The following USP32 variants were observed in gnomAD, a reference collection of about 807,000 sequenced individuals.
USP32 encodes the protein ubiquitin specific peptidase 32.
A neutral mutation model predicts 204.8 loss-of-function variants in USP32; 59 were observed. That is an observed-to-expected ratio of 0.29 (90% CI 0.23 to 0.36). The LOEUF (loss-of-function observed/expected upper bound fraction) is 0.36. Ranked by LOEUF, USP32 falls within the 10% of genes least tolerant of loss-of-function variation. The probability of loss-of-function intolerance (pLI) is 1.00; values close to 1 mark genes in which losing one functional copy is unlikely to be tolerated. For missense variants in USP32, 1,160 were observed against 1,946.4 expected (o/e 0.60, Z 7.60); for synonymous variants, 517 against 678.4 (o/e 0.76, Z 3.70).
intron 1 of USP32, among the ~76,000 whole-genome samples, chr17:60,404,427 A>T (rs1002946160): frequency 6.6e-6 from 1 of 152,156 alleles, no homozygotes; most frequent in African/African-American, 2.4e-5. Context: ...TGATATTTTT[A>T]ATTCCAGGGC....
intron 5 of USP32, among the ~76,000 whole-genome samples, chr17:60,286,670 T>C (rs772184848): frequency 1.7e-4 from 26 of 152,144 alleles, no homozygotes; most frequent in East Asian, 7.7e-4. Flanking sequence ...CAGAAAGTAA[T>C]AGTAGCCTAA....
chr17:60,358,871 T>C (rs1386596363), intron 1 of USP32, among the ~76,000 whole-genome samples: 4 of 152,242 alleles, frequency 2.6e-5, no homozygotes, highest in African/African-American at 9.6e-5. Flanking sequence ...GGGATGTCAC[T>C]TGCCAAGATT....
At chr17:60,231,541 C>T in intron 12 of USP32, 1 of 516,196 alleles carries the variant, frequency 1.9e-6, no homozygotes, top group East Asian at 5.5e-5. Context: ...GAAAACAAGG[C>T]TGCCCCACTC....
chr17:60,182,376 C>T (rs765161453), intron 31 of USP32, among the ~76,000 whole-genome samples: 20 of 152,238 alleles, frequency 1.3e-4, no homozygotes, highest in Admixed American at 4.6e-4. Context: ...GTCAAAGTGA[C>T]GATATTATTC....
chr17:60,392,862 C>G (rs1404921431), upstream of USP32, among the ~76,000 whole-genome samples: 1 of 152,172 alleles, frequency 6.6e-6, no homozygotes, highest in Non-Finnish European at 1.5e-5. Context: ...TGTACACATT[C>G]TCTGGAAAGC....
chr17:60,267,030 C>G (rs930322445), intron 7 of USP32, among the ~76,000 whole-genome samples: 1 of 150,826 alleles, frequency 6.6e-6, no homozygotes, highest in Non-Finnish European at 1.5e-5. Flanking sequence ...CTCAAGTGAT[C>G]CACCGGCCTT....
At chr17:60,329,645 T>C (rs2088332347) in intron 2 of USP32, among the ~76,000 whole-genome samples, 1 of 152,222 alleles carries the variant, frequency 6.6e-6, no homozygotes, top group Admixed American at 6.6e-5. Context: ...TCCTTATTAC[T>C]TTTCTCCCTT....
chr17:60,274,731 A>C (rs1567820315), intron 5 of USP32, among the ~76,000 whole-genome samples: 1 of 152,330 alleles, frequency 6.6e-6, no homozygotes, highest in East Asian at 1.9e-4. Context: ...TTTTAGCAGA[A>C]CCACACCAAA....
chr17:60,322,295 A>G (rs2088131582), intron 2 of USP32, among the ~76,000 whole-genome samples: 1 of 152,066 alleles, frequency 6.6e-6, no homozygotes, highest in African/African-American at 2.4e-5. Flanking sequence ...ACACGAACAT[A>G]CCACTATGCC....
chr17:60,398,326 G>A (rs2089912949), intron 1 of USP32, among the ~76,000 whole-genome samples: 1 of 152,092 alleles, frequency 6.6e-6, no homozygotes, highest in South Asian at 2.1e-4. Flanking sequence ...GGCCTGAAAA[G>A]TAGAGCTACA....
At chr17:60,331,541 G>A in intron 2 of USP32, among the ~76,000 whole-genome samples, 1 of 149,794 alleles carries the variant, frequency 6.7e-6, no homozygotes, top group Non-Finnish European at 1.5e-5. Context: ...ACTCCAGCCT[G>A]GCCACCAGAG....
chr17:60,186,121 C>T (rs1277174429), intron 29 of USP32, among the ~76,000 whole-genome samples: 1 of 152,210 alleles, frequency 6.6e-6, no homozygotes, highest in African/African-American at 2.4e-5. Flanking sequence ...TATATTTATT[C>T]ACAAATGTTA....
intron 1 of USP32, among the ~76,000 whole-genome samples, chr17:60,389,813 C>G (rs904551655): frequency 6.6e-6 from 1 of 150,870 alleles, no homozygotes; most frequent in African/African-American, 2.5e-5. Context: ...TCAGGAGATC[C>G]AGACCATCCC....
chr17:60,388,891 T>A (rs2146135673), intron 1 of USP32, among the ~76,000 whole-genome samples: 1 of 152,332 alleles, frequency 6.6e-6, no homozygotes, highest in Middle Eastern at 3.4e-3. Context: ...CCAGTAAGTG[T>A]TATCTGTCAT....
intron 1 of USP32, among the ~76,000 whole-genome samples, chr17:60,386,762 T>G (rs1270901891): frequency 6.6e-6 from 1 of 152,212 alleles, no homozygotes; most frequent in South Asian, 2.1e-4. Flanking sequence ...TCCCCTCATT[T>G]TGCTCATCCC....
intron 12 of USP32, among the ~76,000 whole-genome samples, chr17:60,230,686 A>G (rs1466092734): frequency 6.6e-6 from 1 of 152,126 alleles, no homozygotes; most frequent in East Asian, 1.9e-4. Context: ...ACTGTTCTCC[A>G]CTGCCTGAAA....
intron 13 of USP32, among the ~76,000 whole-genome samples, chr17:60,224,476 G>T (rs1156508827): frequency 6.6e-6 from 1 of 152,220 alleles, no homozygotes; most frequent in African/African-American, 2.4e-5. Context: ...AAAAGGAAAA[G>T]AACATCTTGG....
intron 2 of USP32, among the ~76,000 whole-genome samples, chr17:60,316,456 C>T (rs2087980457): frequency 6.6e-6 from 1 of 152,104 alleles, no homozygotes; most frequent in African/African-American, 2.4e-5. Context: ...TAATGCAAGT[C>T]AAAGTGCTTC....
At chr17:60,316,551 A>G (rs1367054454) in intron 2 of USP32, among the ~76,000 whole-genome samples, 1 of 152,146 alleles carries the variant, frequency 6.6e-6, no homozygotes, top group Non-Finnish European at 1.5e-5. Flanking sequence ...ACTACAAAAA[A>G]AGGAATGGGC....
Sources: allele counts gnomAD v4.1 joint callset (sites outside exome capture counted in the v4.1 genomes callset), GRCh38; gene constraint gnomAD v4.1.1; transcripts MANE v1.5; gene names NCBI Gene and HGNC (gene_info 2026-07-23, HGNC 2026-07-21).